The following FAM184B variants were observed in gnomAD, a reference collection of about 807,000 sequenced individuals.
FAM184B encodes the protein protein FAM184B.
A neutral mutation model predicts 135.9 loss-of-function variants in FAM184B; 111 were observed. That is an observed-to-expected ratio of 0.82 (90% confidence interval 0.70 to 0.96). FAM184B has a LOEUF of 0.96. Among genes scored for constraint, FAM184B ranks in the 40% least tolerant of loss-of-function variants. The pLI is 0.00. For missense variants in FAM184B, 1,375 were observed against 1,323.9 expected, an observed-to-expected ratio of 1.04 and a Z score of -0.60; for synonymous variants, 552 against 524.8, an observed-to-expected ratio of 1.05 and a Z score of -0.71.
intron 2 of FAM184B, among the ~76,000 whole-genome samples, 198 bp downstream of exon 2, chr4:17,708,694 T>C (rs1717173036): frequency 1.9e-5 from 1 of 51,304 alleles, no homozygotes; most frequent in African/African-American, 8.7e-5. Flanking sequence ...TATATATATA[T>C]ATATATATAT....
rs1467072794 is a variant in FAM184B at position 17,708,672 on chromosome 4, T to C, written c.894+220A>G. ...AAATAAGGAAACAAAACTATATATATATATATATATATATATATATATATA... is the reference window on the plus strand; with the variant it reads ...AAATAAGGAAACAAAACTATATATACATATATATATATATATATATATATA... On this transcript the variant is annotated intron_variant, in intron 2 of 17. Coordinates refer to ENST00000265018, the MANE Select transcript of FAM184B (RefSeq NM_015688.2). 3.5e-3 allele frequency among the ~76,000 whole-genome samples: 98 copies of C among 28,020 alleles called. 3 individuals are homozygous for C. Among genetic ancestry groups the C allele is most frequent in the African/African-American group, 7.5e-3 (42 of 5,590 alleles). 18.4% of individuals were successfully genotyped at this position (28,020 alleles called of 152,430 possible).
chr4:17,689,277 A>G lies in FAM184B; in HGVS notation c.1489-746T>C, dbSNP rs1430685413. 3.9e-5 allele frequency among the ~76,000 whole-genome samples: 6 copies of G among 152,232 alleles called. No individual in the cohort carries two copies. In the East Asian group the frequency reaches 1.2e-3, roughly 29 times the overall value. On this transcript the variant is annotated intron_variant, in intron 6 of 17. Transcript: ENST00000265018. ...CTAAAAGTGTAAGGCCTTAATTATG[A>G]TGATGATTAACCAACTAATTGTAAT...
intron 1 of FAM184B, among the ~76,000 whole-genome samples, chr4:17,732,138 A>G (rs566841500): frequency 1.3e-5 from 2 of 152,132 alleles, no homozygotes; most frequent in East Asian, 1.9e-4. Flanking sequence ...TGAAACCAAC[A>G]AGAACAAAGA....
chr4:17,709,069 C>T lies in FAM184B; in HGVS notation c.717G>A (p.Ser239=). 8 of 1,550,206 alleles carry T rather than the reference C, an allele frequency of 5.2e-6. No homozygotes were observed. Among genetic ancestry groups the T allele is most frequent in the Non-Finnish European group, 6.1e-6 (7 of 1,146,948 alleles). ...GCCACTGCCACAGGGCCTGGCTCAC[C>T]GACTGCTGCATGGCCTGCCGGATGG... ...NEAIRQAMQQ[S]VSQALWQWQE... The change falls in exon 2 of 18, where the codon TCG becomes TCA. Residue 239 remains serine, a synonymous_variant. Transcript: ENST00000265018.
At chr4:17,632,670 C>T (rs746943927) in intron 17 of FAM184B, 45 bp from the exon 18 acceptor site, 2 of 1,311,582 alleles carry the variant, frequency 1.5e-6, no homozygotes, top group Non-Finnish European at 2.1e-6. Flanking sequence ...GAAAACTATG[C>T]AAGAAGCAGC....
rs1293415254 is a variant in FAM184B at position 17,632,641 on chromosome 4, GGTT to G, written c.3090-19_3090-17del. The G allele has an allele frequency of 4.0e-6, 4 of 1,012,260 alleles. No individual in the cohort carries two copies. Among genetic ancestry groups the G allele is most frequent in the African/African-American group, 3.0e-5 (2 of 66,758 alleles). 62.7% of individuals were successfully genotyped at this position (1,012,260 alleles called of 1,614,324 possible). ...ATCTGGGGTCCTAAAAGCAAAAAAA[GGTT>G]TTTTTATATGGTTTTGAAAACTATG... On this transcript the variant is annotated splice_polypyrimidine_tract_variant and intron_variant, in intron 17 of 17. Transcript: ENST00000265018.
At chr4:17,732,570 T>A (rs1158266443) in intron 1 of FAM184B, among the ~76,000 whole-genome samples, 2 of 152,104 alleles carry the variant, frequency 1.3e-5, no homozygotes, top group African/African-American at 4.8e-5. Context: ...TCTACACAGA[T>A]AAACTAGAAA....
In FAM184B at chr4:17,754,566, A is replaced by G. The variant is rs528611467; in HGVS notation, c.141+26593T>C. On this transcript the variant is annotated intron_variant, in intron 1 of 17. Transcript: ENST00000265018. Reference sequence around the variant, plus strand: ...AACTCTGTCTCAGAAAAAAAAAAAAAAAAAGGTAAAAGAAAGAAAAAGAAA... The same window carrying G: ...AACTCTGTCTCAGAAAAAAAAAAAAGAAAAGGTAAAAGAAAGAAAAAGAAA... Among the ~76,000 whole-genome samples the G allele has an allele frequency of 9.9e-4, 150 of 151,026 alleles. 1 individual carries two copies. Among genetic ancestry groups the G allele is most frequent in the Non-Finnish European group, 1.9e-3 (128 of 67,930 alleles).
At chr4:17,705,628 A>ATT in intron 4 of FAM184B, 124 bp downstream of exon 4, 8 of 1,175,948 alleles carry the variant, frequency 6.8e-6, no homozygotes, top group Non-Finnish European at 9.4e-6. Flanking sequence ...TACTCCAGGA[A>ATT]CTACAGGGTC....
intron 1 of FAM184B, among the ~76,000 whole-genome samples, chr4:17,721,416 C>T (rs923909593): frequency 2.0e-4 from 14 of 68,782 alleles, no homozygotes; most frequent in African/African-American, 5.3e-4. Flanking sequence ...ATCTCTTTGC[C>T]CTAGCAGAAA....
At chr4:17,645,258 T>C (rs4698197) in intron 12 of FAM184B, among the ~76,000 whole-genome samples, 92,448 of 152,004 alleles carry the variant, frequency 0.61, 28,626 homozygotes, top group East Asian at 0.89. Flanking sequence ...AAAAAGAGCC[T>C]GCGTCGCCAA....
intron 1 of FAM184B, among the ~76,000 whole-genome samples, chr4:17,751,909 G>A (rs564170268): frequency 1.1e-4 from 17 of 150,178 alleles, no homozygotes; most frequent in African/African-American, 3.2e-4. Flanking sequence ...GAGGTGTGGC[G>A]GGATGCAAAC....
intron 12 of FAM184B, among the ~76,000 whole-genome samples, chr4:17,642,962 C>G (rs989081857): frequency 2.6e-5 from 4 of 152,240 alleles, no homozygotes; most frequent in African/African-American, 4.8e-5. Flanking sequence ...GTTCACTGCA[C>G]ACAGTAATTG....
Position 17,718,080 on chromosome 4 carries a change from C to T in FAM184B, c.142-8436G>A, listed in dbSNP as rs1040285498. 5.3e-5 allele frequency among the ~76,000 whole-genome samples: 8 copies of T among 152,244 alleles called. 1 individual carries two copies. Among genetic ancestry groups the T allele is most frequent in the East Asian group, 1.9e-4 (1 of 5,178 alleles). On this transcript the variant is annotated intron_variant, in intron 1 of 17. Transcript: ENST00000265018. ...TTTTCTAGATGTGTGAACTTCAGTA[C>T]GTTGCTGAACCTGAGTCTCAGTTAC...
At chr4:17,770,517 G>A (rs964431642) in intron 1 of FAM184B, among the ~76,000 whole-genome samples, 10 of 152,198 alleles carry the variant, frequency 6.6e-5, no homozygotes, top group African/African-American at 1.2e-4. Flanking sequence ...AGGCTGGAGT[G>A]CAGTGGCGAA....
intron 1 of FAM184B, among the ~76,000 whole-genome samples, chr4:17,739,407 T>C (rs1212310803): frequency 6.6e-6 from 1 of 152,006 alleles, no homozygotes. Context: ...ACACAACATC[T>C]CCACAGGTGT....
At position 17,734,302 on chromosome 4, in the gene FAM184B, A is replaced by C. The variant is rs1244541212; in HGVS notation, c.142-24658T>G. On this transcript the variant is annotated intron_variant, in intron 1 of 17. Transcript: ENST00000265018. ...ACTTCATGTCTAAAACACCAAAAGC[A>C]ATGGCAACAAAAGCCAAAATTGACA... Among the ~76,000 whole-genome samples the C allele has an allele frequency of 2.6e-5, 4 of 152,338 alleles. No individual in the cohort carries two copies. The East Asian group carries it at 7.7e-4, about 29-fold the overall frequency.
chr4:17,768,397 CCAGAGTAGCTGGGACTACAGGCA>C lies in FAM184B; in HGVS notation c.141+12739_141+12761del, dbSNP rs547848387. Among the ~76,000 whole-genome samples the C allele has an allele frequency of 9.2e-3, 1,402 of 152,260 alleles. 21 individuals are homozygous for C. The highest frequency in any genetic ancestry group is 0.032 in the African/African-American group (1,336 of 41,540). On this transcript the variant is annotated intron_variant, in intron 1 of 17. Coordinates refer to ENST00000265018, the MANE Select transcript of FAM184B (RefSeq NM_015688.2). ...TCAAGCAATTCTCCTGCTTCAGCCT[CCAGAGTAGCTGGGACTACAGGCA>C]CACCCCGCCACGCCCAGCTAATTTT...
intron 14 of FAM184B, among the ~76,000 whole-genome samples, chr4:17,636,976 G>A (rs1036495020): frequency 2.0e-5 from 3 of 152,268 alleles, no homozygotes; most frequent in East Asian, 3.9e-4. Flanking sequence ...TTAATGCTCT[G>A]GCGCCATCTG....
Sources: gnomAD v4.1 joint callset for allele counts (sites outside exome capture counted in the v4.1 genomes callset) on GRCh38, gnomAD v4.1.1 for gene constraint, MANE v1.5 for transcripts, NCBI Gene and HGNC (gene_info 2026-07-23, HGNC 2026-07-21) for gene names.